The following PRKN variants were observed in gnomAD, a reference collection of about 807,000 sequenced individuals.
PRKN encodes parkin RBR E3 ubiquitin protein ligase.
Under a neutral mutation model 59.5 loss-of-function variants are expected in PRKN, and 56 were observed. The observed-to-expected ratio is 0.94, with a 90% CI of 0.76 to 1.18. PRKN has a LOEUF of 1.18. Ranked by LOEUF, PRKN falls within the 50% of genes most tolerant of loss-of-function variation. PRKN has a pLI of 0.00. For missense variants in PRKN, 657 were observed against 596.4 expected, an observed-to-expected ratio of 1.10 and a Z score of -1.06; for synonymous variants, 250 against 222.1, an observed-to-expected ratio of 1.13 and a Z score of -1.12.
Position 162,083,202 on chromosome 6 carries a change from G to A in PRKN, c.535-29028C>T, listed in dbSNP as rs533609408. On this transcript the variant is annotated intron_variant, in intron 4 of 11. Coordinates refer to ENST00000366898, the MANE Select transcript of PRKN (RefSeq NM_004562.3). ...ACTCCTGACCTCAGGTGATCCACCC[G>A]CCATATACTTTTGAAAGACAAAGTC... 9.2e-5 allele frequency among the ~76,000 whole-genome samples: 14 copies of A among 151,952 alleles called. No individual in the cohort carries two copies. In the South Asian group the frequency reaches 1.2e-3, roughly 14 times the overall value.
intron 7 of PRKN, among the ~76,000 whole-genome samples, chr6:161,610,645 C>T (rs1190706506): frequency 6.6e-6 from 1 of 151,778 alleles, no homozygotes; most frequent in Non-Finnish European, 1.5e-5. Flanking sequence ...ATATTGGGTG[C>T]CGTAACAAGT....
At chr6:162,290,974 A>G (rs544505049) in intron 2 of PRKN, among the ~76,000 whole-genome samples, 39 of 152,288 alleles carry the variant, frequency 2.6e-4, no homozygotes, top group Admixed American at 4.6e-4. Flanking sequence ...TAAATATTAA[A>G]TATGTTCTCC....
rs192531266 is a variant in PRKN at position 161,359,199 on chromosome 6, G to T, written c.1285+889C>A. Among the ~76,000 whole-genome samples the T allele has an allele frequency of 3.6e-3, 544 of 152,290 alleles. 3 individuals are homozygous for T. The highest frequency in any genetic ancestry group is 0.013 in the African/African-American group (521 of 41,566). On this transcript the variant is annotated intron_variant, in intron 11 of 11. Transcript: ENST00000366898. The surrounding 1 kb of genome is among the most constrained non-coding windows in gnomAD (Gnocchi z 5.4). ...GCTGGGTAAATTATTTATTTTCTCT[G>T]CAGGAAGCCACTGATACAGCACTAA...
In PRKN at chr6:161,552,248, T is replaced by G. The variant is rs1780046177; in HGVS notation, c.934-3245A>C. Among the ~76,000 whole-genome samples, 1 of 151,942 alleles carries G rather than the reference T, an allele frequency of 6.6e-6. No homozygotes were observed. The highest frequency in any genetic ancestry group is 1.5e-5 in the Non-Finnish European group (1 of 68,044). On this transcript the variant is annotated intron_variant, in intron 8 of 11. Coordinates refer to ENST00000366898, the MANE Select transcript of PRKN (RefSeq NM_004562.3). The surrounding 1 kb of genome is among the most constrained non-coding windows in gnomAD (Gnocchi z 4.9). ...GAATTGTAAAAGGAAGCGGGACATC[T>G]CTCGATCACCTCTGCCTATGACTGT...
At position 161,967,733 on chromosome 6, in the gene PRKN, G is replaced by T. The variant is rs572526988; in HGVS notation, c.734+5569C>A. On this transcript the variant is annotated intron_variant, in intron 6 of 11. Transcript: ENST00000366898. Reference sequence around the variant, plus strand: ...ATGCCTGGGAAAAACCCAAGTCACAGCTACCTTTGTGGCTGCTTTTTCCCT... The same window carrying T: ...ATGCCTGGGAAAAACCCAAGTCACATCTACCTTTGTGGCTGCTTTTTCCCT... 2.0e-5 allele frequency among the ~76,000 whole-genome samples: 3 copies of T among 152,292 alleles called. No individual in the cohort carries two copies. The South Asian group carries it at 6.2e-4, about 32-fold the overall frequency.
chr6:162,038,066 TAA>T (rs1360100884), intron 5 of PRKN, among the ~76,000 whole-genome samples: 2 of 151,234 alleles, frequency 1.3e-5, no homozygotes, highest in African/African-American at 4.9e-5. Context: ...AAACCAATAA[TAA>T]AACTTTTCCT....
intron 4 of PRKN, among the ~76,000 whole-genome samples, chr6:162,095,585 T>C (rs1779691384): frequency 6.6e-6 from 1 of 152,216 alleles, no homozygotes; most frequent in East Asian, 1.9e-4. Flanking sequence ...TATTTTTACA[T>C]CTGCAGAATA....
intron 5 of PRKN, among the ~76,000 whole-genome samples, chr6:162,043,886 C>A (rs747549183): frequency 6.6e-6 from 1 of 152,120 alleles, no homozygotes; most frequent in Non-Finnish European, 1.5e-5. Context: ...TAAGCAGATT[C>A]CCACTGAGGA....
chr6:161,353,172 G>A lies in PRKN; in HGVS notation c.1286-2961C>T, dbSNP rs1173161289. Among the ~76,000 whole-genome samples the A allele has an allele frequency of 1.3e-5, 2 of 152,128 alleles. No individual in the cohort carries two copies. The highest frequency in any genetic ancestry group is 2.9e-5 in the Non-Finnish European group (2 of 68,030). ...TAATGTTGGGGCAATTCAGGCCTCA[G>A]AAACAGGCGCCAGAAAAGAGAATCT... On this transcript the variant is annotated intron_variant, in intron 11 of 11. Transcript: ENST00000366898. This position sits in a 1 kb window ranked among gnomAD's most constrained non-coding sequence, Gnocchi z 4.8.
At chr6:161,992,399 C>T (rs1392571215) in intron 5 of PRKN, among the ~76,000 whole-genome samples, 1 of 152,026 alleles carries the variant, frequency 6.6e-6, no homozygotes, top group Non-Finnish European at 1.5e-5. Context: ...ATCAATTCAG[C>T]AAAAGGATGT....
chr6:162,336,745 C>T (rs1783864251), intron 2 of PRKN, among the ~76,000 whole-genome samples: 1 of 152,212 alleles, frequency 6.6e-6, no homozygotes, highest in Non-Finnish European at 1.5e-5. Context: ...ACTACATCTA[C>T]AAAAGGCTTG....
At chr6:162,575,612 G>A (rs899138640) in intron 1 of PRKN, among the ~76,000 whole-genome samples, 6 of 152,054 alleles carry the variant, frequency 3.9e-5, no homozygotes, top group African/African-American at 1.4e-4. Context: ...TGCCTCTCTA[G>A]CACATTCCCA....
rs539187103 is a variant in PRKN, at chr6:161,508,102, A to G, written c.1083+40752T>C. 1.1e-3 allele frequency among the ~76,000 whole-genome samples: 168 copies of G among 152,346 alleles called. 2 individuals carry two copies. The South Asian group carries it at 0.034, about 30-fold the overall frequency. ...AGCTGTACCCTTTTTTAAGTGCCAC[A>G]GAGGACTAATAACTGTTAGTTTGCA... On this transcript the variant is annotated intron_variant, in intron 9 of 11. Coordinates refer to ENST00000366898, the MANE Select transcript of PRKN (RefSeq NM_004562.3).
In PRKN at chr6:161,547,528, G is replaced by T. The variant is rs1354075164; in HGVS notation, c.1083+1326C>A. Reference sequence around the variant, plus strand: ...CAAAAGTCTCTACCTCCTAAGAAAAGTTAAAATCTTAAAATCCAGCTTTAG... The same window carrying T: ...CAAAAGTCTCTACCTCCTAAGAAAATTTAAAATCTTAAAATCCAGCTTTAG... On this transcript the variant is annotated intron_variant, in intron 9 of 11. Coordinates refer to ENST00000366898, the MANE Select transcript of PRKN (RefSeq NM_004562.3). This position sits in a 1 kb window ranked among gnomAD's most constrained non-coding sequence, Gnocchi z 4.0. Among the ~76,000 whole-genome samples, 1 of 152,188 alleles carries T rather than the reference G, an allele frequency of 6.6e-6. No individual in the cohort carries two copies. The highest frequency in any genetic ancestry group is 1.5e-5 in the Non-Finnish European group (1 of 68,032).
At chr6:162,237,179 A>G (rs2128089368) in intron 3 of PRKN, among the ~76,000 whole-genome samples, 1 of 152,284 alleles carries the variant, frequency 6.6e-6, no homozygotes, top group Admixed American at 6.5e-5. Context: ...GTTGTTCCTT[A>G]GTCTCTCATC....
chr6:162,604,618 T>G (rs1407920668), intron 1 of PRKN, among the ~76,000 whole-genome samples: 1 of 151,512 alleles, frequency 6.6e-6, no homozygotes, highest in Non-Finnish European at 1.5e-5. Flanking sequence ...CCCCTACATA[T>G]GAAGTCTCTG....
chr6:162,336,665 T>A (rs142349412), intron 2 of PRKN, among the ~76,000 whole-genome samples: 2 of 152,208 alleles, frequency 1.3e-5, no homozygotes, highest in African/African-American at 4.8e-5. Context: ...AGCTCAACAC[T>A]TATTCTCAAC....
intron 1 of PRKN, among the ~76,000 whole-genome samples, chr6:162,601,414 T>A (rs1055859842): frequency 6.6e-6 from 1 of 152,046 alleles, no homozygotes; most frequent in Admixed American, 6.6e-5. Context: ...TTAAGGCTTC[T>A]CTTACTCCGC....
At chr6:161,613,818 C>T (rs916995521) in intron 7 of PRKN, among the ~76,000 whole-genome samples, 1 of 152,156 alleles carries the variant, frequency 6.6e-6, no homozygotes, top group Non-Finnish European at 1.5e-5. Flanking sequence ...ACCATAAAAC[C>T]AGCTTAAAAC....
Sources: gnomAD v4.1 joint callset for allele counts (sites outside exome capture counted in the v4.1 genomes callset) on GRCh38, gnomAD v4.1.1 for gene constraint, Gnocchi (gnomAD v3.1) non-coding constraint, MANE v1.5 for transcripts, NCBI Gene and HGNC (gene_info 2026-07-23, HGNC 2026-07-21) for gene names.